The following CCSER1 variants were observed in gnomAD, a reference collection of about 807,000 sequenced individuals.
CCSER1 encodes coiled-coil serine rich protein 1.
In CCSER1, 41 loss-of-function variants were observed where a neutral mutation model predicts 82.0. The observed-to-expected ratio is 0.50, with a 90% CI of 0.39 to 0.65. The LOEUF (loss-of-function observed/expected upper bound fraction) is 0.65, where lower values mean the gene tolerates loss of function less well. Ranked by LOEUF, CCSER1 falls within the 30% of genes least tolerant of loss-of-function variation. CCSER1 has a pLI of 0.00. For missense variants in CCSER1, 1,119 were observed against 1,064.2 expected (o/e 1.05, Z -0.72); for synonymous variants, 414 against 383.9 (o/e 1.08, Z -0.92).
chr4:90,629,543 G>C (rs1461814794), intron 6 of CCSER1, among the ~76,000 whole-genome samples: 1 of 152,166 alleles, frequency 6.6e-6, no homozygotes, highest in Admixed American at 6.5e-5. Flanking sequence ...CTGCCCCCAT[G>C]ATTCAGTTAT....
chr4:90,958,956 A>G (rs1408962201), intron 9 of CCSER1, among the ~76,000 whole-genome samples: 1 of 152,218 alleles, frequency 6.6e-6, no homozygotes, highest in African/African-American at 2.4e-5. Flanking sequence ...CAGGAGTCTC[A>G]TGCAAATTTA....
intron 6 of CCSER1, among the ~76,000 whole-genome samples, chr4:90,694,981 A>G (rs2149251633): frequency 6.6e-6 from 1 of 151,308 alleles, no homozygotes; most frequent in Middle Eastern, 3.4e-3. Context: ...TACATTCTTT[A>G]TTAATATTAC....
At chr4:90,542,771 T>C (rs1776265740) in intron 5 of CCSER1, among the ~76,000 whole-genome samples, 1 of 152,106 alleles carries the variant, frequency 6.6e-6, no homozygotes, top group Non-Finnish European at 1.5e-5. Context: ...GGAGTTTTTA[T>C]TAAAACAATA....
chr4:90,579,905 A>G (rs1473955417), intron 5 of CCSER1, among the ~76,000 whole-genome samples: 1 of 152,102 alleles, frequency 6.6e-6, no homozygotes, highest in Non-Finnish European at 1.5e-5. Context: ...TTATAGTTCT[A>G]TAAACTGAAT....
rs374870449 is a variant in CCSER1 at position 90,628,348 on chromosome 4, G to T, written c.1932+116G>T. 7 of 736,348 alleles carry T rather than the reference G, an allele frequency of 9.5e-6. No individual in the cohort carries two copies. The South Asian group carries it at 1.3e-4, about 13-fold the overall frequency. 45.6% of individuals were successfully genotyped at this position (736,348 alleles called of 1,614,324 possible). ...CTACATGACATTGGGCAGGGGTCAG[G>T]TTTCCTCTTGGAGCTTAGCTATTTT... On this transcript the variant is annotated intron_variant, in intron 6 of 10. Coordinates refer to ENST00000509176, the MANE Select transcript of CCSER1 (RefSeq NM_001145065.2).
chr4:90,931,809 G>T (rs1265650686), intron 9 of CCSER1, among the ~76,000 whole-genome samples: 2 of 152,118 alleles, frequency 1.3e-5, no homozygotes, highest in African/African-American at 4.8e-5. Flanking sequence ...ATGTTTTTCA[G>T]CTACTTGATT....
intron 10 of CCSER1, among the ~76,000 whole-genome samples, chr4:91,233,202 C>A (rs771376887): frequency 7.9e-5 from 12 of 151,780 alleles, no homozygotes; most frequent in Admixed American, 6.6e-5. Context: ...CTTCTCCAAG[C>A]GACTAGAGTT....
intron 10 of CCSER1, among the ~76,000 whole-genome samples, chr4:91,115,266 A>G (rs1170153204): frequency 6.6e-6 from 1 of 152,200 alleles, no homozygotes; most frequent in African/African-American, 2.4e-5. Flanking sequence ...ACATTTCTCA[A>G]ATAAAATGTA....
intron 4 of CCSER1, among the ~76,000 whole-genome samples, chr4:90,417,433 A>C (rs1578374255): frequency 6.6e-6 from 1 of 152,018 alleles, no homozygotes; most frequent in South Asian, 2.1e-4. Flanking sequence ...ACTTTGTATT[A>C]AGGTTGATAT....
chr4:90,959,683 A>C (rs72665457), intron 9 of CCSER1, among the ~76,000 whole-genome samples: 33,232 of 96,084 alleles, frequency 0.35, 4,195 homozygotes, highest in Non-Finnish European at 0.41. Flanking sequence ...GGGACTTCCT[A>C]ATATATGATC....
At chr4:91,155,427 A>C (rs182506740) in intron 10 of CCSER1, among the ~76,000 whole-genome samples, 2 of 152,008 alleles carry the variant, frequency 1.3e-5, no homozygotes, top group East Asian at 3.9e-4. Flanking sequence ...TCCTTTATAA[A>C]TTACCCAGTG....
chr4:90,382,467 A>G (rs1370306782), intron 3 of CCSER1, among the ~76,000 whole-genome samples: 1 of 152,110 alleles, frequency 6.6e-6, no homozygotes, highest in Non-Finnish European at 1.5e-5. Flanking sequence ...AAATACTTCC[A>G]AACTACTCAT....
chr4:91,338,756 A>C (rs535461391), intron 10 of CCSER1, among the ~76,000 whole-genome samples: 1 of 152,286 alleles, frequency 6.6e-6, no homozygotes, highest in Non-Finnish European at 1.5e-5. Flanking sequence ...TTTCAGTATC[A>C]TGTGGGTTAA....
intron 8 of CCSER1, among the ~76,000 whole-genome samples, chr4:90,885,080 ATGT>A (rs1396322639): frequency 6.6e-6 from 1 of 152,192 alleles, no homozygotes; most frequent in Non-Finnish European, 1.5e-5. Context: ...TAAAGGTAAA[ATGT>A]TGTACCTCTT....
intron 1 of CCSER1, among the ~76,000 whole-genome samples, chr4:90,130,320 T>C (rs1247892360): frequency 6.6e-6 from 1 of 152,146 alleles, no homozygotes; most frequent in African/African-American, 2.4e-5. Flanking sequence ...CAATAAGAGA[T>C]TACATGTCTA....
chr4:90,246,864 T>A (rs931620763), intron 1 of CCSER1, among the ~76,000 whole-genome samples: 33 of 151,542 alleles, frequency 2.2e-4, no homozygotes, highest in African/African-American at 7.7e-4. Context: ...CACTATAGGG[T>A]TTTTTTTTCT....
chr4:90,685,932 GA>G (rs1312954164), intron 6 of CCSER1, among the ~76,000 whole-genome samples: 3 of 152,158 alleles, frequency 2.0e-5, no homozygotes, highest in African/African-American at 7.2e-5. Flanking sequence ...AGGGAATGGG[GA>G]TGTGGAAAAA....
chr4:90,724,453 A>G (rs1325179393), intron 7 of CCSER1, among the ~76,000 whole-genome samples: 2 of 151,932 alleles, frequency 1.3e-5, no homozygotes, highest in African/African-American at 4.8e-5. Context: ...CACCAAACAT[A>G]TTGTATTTAA....
chr4:91,069,569 C>T (rs1181379800), intron 9 of CCSER1, among the ~76,000 whole-genome samples: 1 of 152,156 alleles, frequency 6.6e-6, no homozygotes, highest in African/African-American at 2.4e-5. Context: ...GACATACTGT[C>T]ATGGACTTTA....
Sources: gnomAD v4.1 joint callset for allele counts (sites outside exome capture counted in the v4.1 genomes callset) on GRCh38, gnomAD v4.1.1 for gene constraint, MANE v1.5 for transcripts, NCBI Gene and HGNC (gene_info 2026-07-23, HGNC 2026-07-21) for gene names.